The following BMPER variants were observed in gnomAD, a reference collection of about 807,000 sequenced individuals.
BMPER encodes the protein BMP-binding endothelial regulator protein.
Under a neutral mutation model 87.3 loss-of-function variants are expected in BMPER, and 45 were observed. The ratio of observed to expected loss-of-function variants is 0.52; its 90% CI spans 0.41 to 0.66. BMPER has a LOEUF of 0.66. Among genes scored for constraint, BMPER ranks in the 30% least tolerant of loss-of-function variants. The probability of loss-of-function intolerance (pLI) is 0.00; values close to 1 mark genes in which losing one functional copy is unlikely to be tolerated. For missense variants in BMPER, 784 were observed against 867.5 expected, an observed-to-expected ratio of 0.90 and a Z score of 1.21; for synonymous variants, 326 against 316.2, an observed-to-expected ratio of 1.03 and a Z score of -0.33.
intron 6 of BMPER, among the ~76,000 whole-genome samples, chr7:33,983,541 G>A (rs767291078): frequency 1.3e-5 from 2 of 152,116 alleles, no homozygotes; most frequent in Non-Finnish European, 2.9e-5. Flanking sequence ...TTTCACAATT[G>A]TTCTGCAACC....
At chr7:33,954,008 A>G (rs1270289135) in intron 3 of BMPER, among the ~76,000 whole-genome samples, 2 of 152,234 alleles carry the variant, frequency 1.3e-5, no homozygotes. Flanking sequence ...ATAATAGCCC[A>G]TGTATGAATA....
At chr7:33,965,253 A>G (rs1785377027) in intron 3 of BMPER, among the ~76,000 whole-genome samples, 1 of 152,204 alleles carries the variant, frequency 6.6e-6, no homozygotes, top group Admixed American at 6.5e-5. Context: ...ATTTGTAGGA[A>G]CTAGAGAGCA....
chr7:34,141,575 A>C (rs973874643), intron 13 of BMPER, among the ~76,000 whole-genome samples: 6 of 136,952 alleles, frequency 4.4e-5, no homozygotes, highest in Non-Finnish European at 7.6e-5. Flanking sequence ...GCACCATTGC[A>C]CTCCAGCCTG....
chr7:33,947,957 C>T (rs958502812), intron 3 of BMPER, among the ~76,000 whole-genome samples: 2 of 152,102 alleles, frequency 1.3e-5, no homozygotes, highest in Non-Finnish European at 2.9e-5. Flanking sequence ...AATAACGACA[C>T]TTTCTGTGTT....
chr7:33,911,143 C>A (rs1229600084), intron 2 of BMPER, among the ~76,000 whole-genome samples: 1 of 152,174 alleles, frequency 6.6e-6, no homozygotes, highest in Non-Finnish European at 1.5e-5. Flanking sequence ...ACTAAGGAAG[C>A]AATCAGATTT....
At chr7:33,977,672 A>G (rs1033263383) in intron 6 of BMPER, among the ~76,000 whole-genome samples, 1 of 152,166 alleles carries the variant, frequency 6.6e-6, no homozygotes, top group African/African-American at 2.4e-5. Context: ...AAATATAAAC[A>G]TATTATGCAT....
chr7:33,931,672 C>T (rs1033500208), intron 2 of BMPER, among the ~76,000 whole-genome samples: 7 of 152,102 alleles, frequency 4.6e-5, no homozygotes, highest in African/African-American at 1.2e-4. Context: ...CTAGAAATTC[C>T]GATGAGAATA....
At chr7:34,146,929 T>G (rs779266386) in intron 14 of BMPER, among the ~76,000 whole-genome samples, 1 of 152,232 alleles carries the variant, frequency 6.6e-6, no homozygotes, top group Non-Finnish European at 1.5e-5. Flanking sequence ...TGGTTGTTAC[T>G]CGGTACCTTC....
At chr7:33,924,729 G>T (rs532230359) in intron 2 of BMPER, among the ~76,000 whole-genome samples, 1 of 152,104 alleles carries the variant, frequency 6.6e-6, no homozygotes, top group Non-Finnish European at 1.5e-5. Context: ...GTGCAATGGC[G>T]CAATCTTGGC....
chr7:34,035,215 T>G (rs1024190899), intron 6 of BMPER, among the ~76,000 whole-genome samples: 1 of 152,226 alleles, frequency 6.6e-6, no homozygotes, highest in Non-Finnish European at 1.5e-5. Flanking sequence ...GAGTGTTTAC[T>G]ATAGAACTTC....
At chr7:33,976,290 T>C (rs1302035786) in intron 6 of BMPER, among the ~76,000 whole-genome samples, 3 of 152,008 alleles carry the variant, frequency 2.0e-5, no homozygotes, top group African/African-American at 7.2e-5. Flanking sequence ...GTAGCTGGGA[T>C]TACAGGTGTG....
At chr7:33,995,298 A>G (rs2127930735) in intron 6 of BMPER, among the ~76,000 whole-genome samples, 1 of 152,242 alleles carries the variant, frequency 6.6e-6, no homozygotes, top group Non-Finnish European at 1.5e-5. Context: ...GCTCTCATCC[A>G]TTTTGGAGGA....
At chr7:33,928,738 A>G (rs1784417651) in intron 2 of BMPER, among the ~76,000 whole-genome samples, 1 of 151,662 alleles carries the variant, frequency 6.6e-6, no homozygotes, top group Non-Finnish European at 1.5e-5. Flanking sequence ...AAAAAAATGG[A>G]ATAGTTAGGT....
intron 6 of BMPER, among the ~76,000 whole-genome samples, chr7:34,003,213 A>G (rs1786633414): frequency 6.6e-6 from 1 of 151,882 alleles, no homozygotes; most frequent in South Asian, 2.1e-4. Context: ...ACACACACAT[A>G]TATATACACA....
At chr7:34,008,965 C>T (rs1786808795) in intron 6 of BMPER, among the ~76,000 whole-genome samples, 1 of 151,942 alleles carries the variant, frequency 6.6e-6, no homozygotes, top group Non-Finnish European at 1.5e-5. Context: ...CCTCAGCCTC[C>T]TGAGTAGACA....
chr7:34,125,249 T>A (rs1790371710), intron 13 of BMPER, among the ~76,000 whole-genome samples: 1 of 152,140 alleles, frequency 6.6e-6, no homozygotes, highest in Non-Finnish European at 1.5e-5. Context: ...CTTAATGGCT[T>A]TCTATGGGCT....
intron 3 of BMPER, among the ~76,000 whole-genome samples, chr7:33,938,004 A>G (rs893334889): frequency 6.6e-6 from 1 of 151,766 alleles, no homozygotes; most frequent in African/African-American, 2.4e-5. Flanking sequence ...TTTTTTCCCA[A>G]CCTGTCCAGG....
At chr7:33,962,342 A>T (rs1785293065) in intron 3 of BMPER, among the ~76,000 whole-genome samples, 1 of 152,236 alleles carries the variant, frequency 6.6e-6, no homozygotes, top group Non-Finnish European at 1.5e-5. Context: ...CAAAATATAT[A>T]CAAAAGAAAA....
At chr7:34,002,227 A>T (rs1340617422) in intron 6 of BMPER, among the ~76,000 whole-genome samples, 1 of 151,824 alleles carries the variant, frequency 6.6e-6, no homozygotes, top group Admixed American at 6.6e-5. Context: ...ATGGTGAGAA[A>T]ATGATACACA....
Sources: gnomAD v4.1 joint callset for allele counts (sites outside exome capture counted in the v4.1 genomes callset) on GRCh38, gnomAD v4.1.1 for gene constraint, MANE v1.5 for transcripts, NCBI Gene and HGNC (gene_info 2026-07-23, HGNC 2026-07-21) for gene names.